The following GLYATL2 variants were observed in gnomAD, a reference collection of about 807,000 sequenced individuals.
GLYATL2 encodes the protein glycine-N-acyltransferase like 2.
In GLYATL2, 25 loss-of-function variants were observed where a neutral mutation model predicts 21.4. The ratio of observed to expected loss-of-function variants is 1.17; its 90% confidence interval spans 0.85 to 1.63. The LOEUF is 1.63. Ranked by LOEUF, GLYATL2 falls within the 40% of genes most tolerant of loss-of-function variation. The probability of loss-of-function intolerance (pLI) is 0.00; values close to 1 mark genes in which losing one functional copy is unlikely to be tolerated. For missense variants in GLYATL2, 361 were observed against 343.3 expected (o/e 1.05, Z -0.41); for synonymous variants, 114 against 118.2 (o/e 0.96, Z 0.23).
chr11:58,881,301 G>A (rs1158711824), intron 1 of GLYATL2, among the ~76,000 whole-genome samples: 1 of 152,192 alleles, frequency 6.6e-6, no homozygotes, highest in Non-Finnish European at 1.5e-5. Flanking sequence ...GTAGGAGACA[G>A]AACTGAAATT....
chr11:58,842,813 T>C (rs1313462497), intron 1 of GLYATL2, among the ~76,000 whole-genome samples: 2 of 152,154 alleles, frequency 1.3e-5, no homozygotes, highest in African/African-American at 2.4e-5. Context: ...CTTACAACTT[T>C]TGCTTTGCAA....
intron 1 of GLYATL2, among the ~76,000 whole-genome samples, chr11:58,852,158 G>A (rs12792206): frequency 0.89 from 135,644 of 152,096 alleles, 61,520 homozygotes; most frequent in Non-Finnish European, 0.98. Context: ...TTTACTTCTG[G>A]CAGAACTTTC....
At chr11:58,874,956 TA>T (rs1854198988) in intron 1 of GLYATL2, among the ~76,000 whole-genome samples, 1 of 152,218 alleles carries the variant, frequency 6.6e-6, no homozygotes, top group Non-Finnish European at 1.5e-5. Context: ...GGACTTGCTT[TA>T]TGAATCTGGG....
intron 1 of GLYATL2, 127 bp from the exon 2 acceptor site, chr11:58,839,779 G>T: frequency 2.2e-6 from 1 of 455,526 alleles, no homozygotes; most frequent in Non-Finnish European, 3.9e-6. Flanking sequence ...AAATTATCTA[G>T]TCCAAACTTT....
intron 5 of GLYATL2, among the ~76,000 whole-genome samples, chr11:58,836,660 C>T (rs1168772697): frequency 2.0e-5 from 3 of 152,192 alleles, no homozygotes; most frequent in Non-Finnish European, 4.4e-5. Flanking sequence ...AGCAAGGGAA[C>T]CCAAGTGGAC....
At position 58,839,527 on chromosome 11, in the gene GLYATL2, T is replaced by C; in HGVS notation, c.78+8A>G. ...TCTCTCTCCTTTGATCTCCTCCTAC[T>C]CCGTTACCTTTATGGATTCAGGGAT... is the stretch of plus-strand genomic sequence containing the variant. On this transcript the variant is annotated splice_region_variant and intron_variant, in intron 2 of 5. Coordinates refer to ENST00000287275, the MANE Select transcript of GLYATL2 (RefSeq NM_145016.4). The C allele has an allele frequency of 6.3e-7, 1 of 1,585,650 alleles. No individual in the cohort carries two copies. Among genetic ancestry groups the C allele is most frequent in the Non-Finnish European group, 8.6e-7 (1 of 1,156,590 alleles).
chr11:58,909,432 T>C, the GLYATL2 span, among the ~76,000 whole-genome samples: 2 of 152,160 alleles, frequency 1.3e-5, no homozygotes, highest in Non-Finnish European at 2.9e-5. Flanking sequence ...GGATGAGACT[T>C]TTGGAGGTGA....
rs1328726351 is a variant in GLYATL2 at position 58,842,519 on chromosome 11, T to TGC, written c.-41+1913_-41+1914dup. ...GTGTGTGTGTGTGTGTGTGTGTGTG[T>TGC]GCGCCCTGTGATGGAAAGGTGTCCA... On this transcript the variant is annotated intron_variant, in intron 1 of 5. Transcript: ENST00000287275. Among the ~76,000 whole-genome samples the TGC allele has an allele frequency of 1.1e-3, 150 of 133,862 alleles. 1 individual carries two copies. Among genetic ancestry groups the TGC allele is most frequent in the Admixed American group, 4.5e-3 (59 of 13,080 alleles). The allele number at this position is 133,862 out of a possible 152,430, so 87.8% of individuals were successfully genotyped here.
intron 1 of GLYATL2, among the ~76,000 whole-genome samples, chr11:58,872,874 G>A (rs1474985467): frequency 6.6e-6 from 1 of 152,158 alleles, no homozygotes; most frequent in East Asian, 1.9e-4. Flanking sequence ...ATTACCTTGG[G>A]CAGTACGGCC....
At chr11:58,846,134 G>A (rs1443652895), upstream of GLYATL2, among the ~76,000 whole-genome samples, 1 of 152,104 alleles carries the variant, frequency 6.6e-6, no homozygotes, top group Non-Finnish European at 1.5e-5. Context: ...CAATACATAT[G>A]TTTTATTCCA....
intron 1 of GLYATL2, among the ~76,000 whole-genome samples, chr11:58,881,378 T>C (rs1008620077): frequency 3.9e-5 from 6 of 152,228 alleles, no homozygotes; most frequent in South Asian, 2.1e-4. Context: ...TTGTTAATAA[T>C]TGGCACATTT....
rs747974140 is a variant in GLYATL2, at chr11:58,837,314, T to G, written c.270A>C (p.Ser90=). ...GCTCCCAGCTGATTACATTGGAGTA[T>G]GACAGGACTTCCTCTAATTTGTCAG... The part of the protein sequence containing the change: ...KAPDKLEEVL[S]YSNVISWEQT... Residue 90 remains serine, a synonymous_variant, in exon 4 of 6, where the codon TCA becomes TCC. Coordinates refer to ENST00000287275, the MANE Select transcript of GLYATL2 (RefSeq NM_145016.4). 1 of 1,613,994 alleles carries G rather than the reference T, an allele frequency of 6.2e-7. No individual in the cohort carries two copies. Among genetic ancestry groups the G allele is most frequent in the Non-Finnish European group, 8.5e-7 (1 of 1,179,848 alleles).
At chr11:58,891,817 G>A (rs757350370) in intron 1 of GLYATL2, among the ~76,000 whole-genome samples, 1 of 152,212 alleles carries the variant, frequency 6.6e-6, no homozygotes, top group Non-Finnish European at 1.5e-5. Flanking sequence ...GGTGAGAGAA[G>A]CAGGGAGAGA....
In GLYATL2 at chr11:58,837,265, A is replaced by G. The variant is rs762595395; in HGVS notation, c.313+6T>C. The G allele has an allele frequency of 6.2e-7, 1 of 1,613,738 alleles. No individual in the cohort carries two copies. Among genetic ancestry groups the G allele is most frequent in the Admixed American group, 1.7e-5 (1 of 59,990 alleles). ...GGATCTTTTTCTTTTAACTCAGACT[A>G]GTTACCTTGGATCTGCAAAGTTTGC... On this transcript the variant is annotated splice_donor_region_variant and intron_variant, in intron 4 of 5. Coordinates refer to ENST00000287275, the MANE Select transcript of GLYATL2 (RefSeq NM_145016.4).
chr11:58,873,060 T>G (rs916392271), intron 1 of GLYATL2, among the ~76,000 whole-genome samples: 3 of 151,768 alleles, frequency 2.0e-5, no homozygotes, highest in Non-Finnish European at 4.4e-5. Context: ...GTGAATGTGA[T>G]TTCACTCATG....
chr11:58,905,411 C>T (rs1339980251), upstream of GLYATL2: 6 of 449,070 alleles, frequency 1.3e-5, no homozygotes, highest in Non-Finnish European at 9.0e-6. Flanking sequence ...CGTCCCGCCA[C>T]CGCCGCCGAC....
At chr11:58,876,088 CT>C (rs1387501130) in intron 1 of GLYATL2, among the ~76,000 whole-genome samples, 1 of 152,182 alleles carries the variant, frequency 6.6e-6, no homozygotes, top group African/African-American at 2.4e-5. Flanking sequence ...GCATCGGTTA[CT>C]GAGGCTTGTG....
At chr11:58,874,029 C>T (rs1393459473) in intron 1 of GLYATL2, among the ~76,000 whole-genome samples, 3 of 152,038 alleles carry the variant, frequency 2.0e-5, no homozygotes, top group East Asian at 1.9e-4. Context: ...GTGTATGTGT[C>T]GAGGAATTTA....
upstream of GLYATL2, among the ~76,000 whole-genome samples, chr11:58,909,091 C>T (rs1430011679): frequency 1.3e-5 from 2 of 152,094 alleles, no homozygotes; most frequent in African/African-American, 4.8e-5. Flanking sequence ...TAAATTGAGA[C>T]ATAAACAAGT....
Sources: gnomAD v4.1 joint callset for allele counts (sites outside exome capture counted in the v4.1 genomes callset) on GRCh38, gnomAD v4.1.1 for gene constraint, MANE v1.5 for transcripts, NCBI Gene and HGNC (gene_info 2026-07-23, HGNC 2026-07-21) for gene names.